The following TAS2R1 variants were observed in gnomAD, a reference collection of about 807,000 sequenced individuals.
TAS2R1 encodes taste 2 receptor member 1.
For synonymous variants in TAS2R1, 141 were observed against 134.2 expected (o/e 1.05, Z -0.35); for missense variants, 370 against 353.4 (o/e 1.05, Z -0.38).
intron 1 of TAS2R1, among the ~76,000 whole-genome samples, chr5:9,684,492 G>C (rs1279316654): frequency 1.3e-5 from 2 of 152,172 alleles, no homozygotes; most frequent in Non-Finnish European, 2.9e-5. Flanking sequence ...TGCACTGAAG[G>C]GTGGATACAC....
At chr5:9,879,911 T>C in the TAS2R1 span, among the ~76,000 whole-genome samples, 2 of 152,180 alleles carry the variant, frequency 1.3e-5, no homozygotes, top group Admixed American at 6.5e-5. Flanking sequence ...TTGTTTATAA[T>C]TGATAAGAGA....
chr5:9,830,556 G>A, the TAS2R1 span, among the ~76,000 whole-genome samples: 5 of 151,902 alleles, frequency 3.3e-5, no homozygotes, highest in African/African-American at 1.2e-4. Flanking sequence ...CATAAATAGA[G>A]AGATGATAGA....
At chr5:9,765,352 C>T in the TAS2R1 span, 3 of 152,012 alleles carry the variant, frequency 2.0e-5, no homozygotes, top group Admixed American at 2.0e-4. Flanking sequence ...AACATATGCC[C>T]CCTGGGTTGG....
At chr5:9,878,174 C>G in the TAS2R1 span, among the ~76,000 whole-genome samples, 2 of 152,160 alleles carry the variant, frequency 1.3e-5, no homozygotes, top group African/African-American at 4.8e-5. Context: ...TAATATAATA[C>G]TATTCAGCAG....
At chr5:9,737,289 T>C in the TAS2R1 span, among the ~76,000 whole-genome samples, 1 of 152,190 alleles carries the variant, frequency 6.6e-6, no homozygotes, top group African/African-American at 2.4e-5. Flanking sequence ...TAGGTCAACA[T>C]AGTTGCAGGA....
chr5:9,770,030 T>C, the TAS2R1 span, among the ~76,000 whole-genome samples: 16 of 152,330 alleles, frequency 1.1e-4, no homozygotes, highest in South Asian at 2.1e-3. Flanking sequence ...TGTTTTATTG[T>C]AGTAATTTCA....
chr5:9,782,452 T>TGGGTG, the TAS2R1 span, among the ~76,000 whole-genome samples: 505 of 9,514 alleles, frequency 0.053, 6 homozygotes, highest in African/African-American at 0.17. Context: ...GGCATCCTGA[T>TGGGTG]GGGTGGGGCG....
At chr5:9,655,014 A>T (rs1740381048) in intron 2 of TAS2R1, among the ~76,000 whole-genome samples, 1 of 152,240 alleles carries the variant, frequency 6.6e-6, no homozygotes, top group African/African-American at 2.4e-5. Context: ...GGTGAAACAA[A>T]AAAACACTGC....
the TAS2R1 span, among the ~76,000 whole-genome samples, chr5:9,829,525 G>A: frequency 0.29 from 43,367 of 152,068 alleles, 6,950 homozygotes; most frequent in Non-Finnish European, 0.37. Context: ...ATCTCCTCTT[G>A]ACCAAATTAA....
At chr5:9,860,735 G>C in the TAS2R1 span, among the ~76,000 whole-genome samples, 2 of 152,314 alleles carry the variant, frequency 1.3e-5, no homozygotes, top group South Asian at 4.1e-4. Context: ...CCTATGGGCA[G>C]TCCTTAAGGC....
rs1240921048 is a variant in TAS2R1 at position 9,627,416 on chromosome 5, T to A, written c.*1717A>T. Among the ~76,000 whole-genome samples the A allele has an allele frequency of 6.6e-6, 1 of 151,534 alleles. No homozygotes were observed. The highest frequency in any genetic ancestry group is 1.5e-5 in the Non-Finnish European group (1 of 68,032). ...TCTTGATAACAGTATAAAAACCTAG[T>A]CATATCTTAATAGTTATCTAATTAG... On this transcript the variant is annotated 3_prime_UTR_variant, in exon 1 of 1. Transcript: ENST00000382492.
rs747277999 is a variant in TAS2R1, at chr5:9,628,747, G to A, written c.*386C>T. Among the ~76,000 whole-genome samples the A allele has an allele frequency of 2.0e-5, 3 of 152,256 alleles. No individual in the cohort carries two copies. The highest frequency in any genetic ancestry group is 2.1e-4 in the South Asian group (1 of 4,826). On this transcript the variant is annotated 3_prime_UTR_variant, in exon 1 of 1. Transcript: ENST00000382492. ...CATTCATGTGTCCTTCTGACATCAC[G>A]AGTTCAAACAAGTGCTTTTCTTTTT...
At chr5:9,670,177 T>C (rs778948333) in intron 1 of TAS2R1, among the ~76,000 whole-genome samples, 15 of 152,086 alleles carry the variant, frequency 9.9e-5, no homozygotes, top group Non-Finnish European at 1.5e-4. Context: ...CCTGCAAACA[T>C]ATAACCTCCC....
chr5:9,857,899 TG>T, the TAS2R1 span, among the ~76,000 whole-genome samples: 1 of 152,190 alleles, frequency 6.6e-6, no homozygotes, highest in African/African-American at 2.4e-5. Flanking sequence ...TCCAGCAGGC[TG>T]GCCTGTTTCT....
upstream of TAS2R1, among the ~76,000 whole-genome samples, chr5:9,633,746 T>C (rs540474565): frequency 2.0e-5 from 3 of 152,266 alleles, no homozygotes; most frequent in African/African-American, 7.2e-5. Flanking sequence ...TTGTATATCT[T>C]GAGACTTGTC....
At chr5:9,703,315 C>T (rs1432633506) in intron 1 of TAS2R1, among the ~76,000 whole-genome samples, 1 of 152,146 alleles carries the variant, frequency 6.6e-6, no homozygotes, top group Non-Finnish European at 1.5e-5. Flanking sequence ...GTCAAACCAA[C>T]ATCCTCCAAA....
At chr5:9,740,159 CA>C in the TAS2R1 span, among the ~76,000 whole-genome samples, 2 of 152,178 alleles carry the variant, frequency 1.3e-5, no homozygotes, top group African/African-American at 4.8e-5. Context: ...AAAGTTTTCT[CA>C]GAGCCTTTTA....
chr5:9,813,876 A>T, the TAS2R1 span, among the ~76,000 whole-genome samples: 2 of 152,144 alleles, frequency 1.3e-5, no homozygotes. Flanking sequence ...CTTGGTTTTC[A>T]TTATTGACTT....
intron 1 of TAS2R1, among the ~76,000 whole-genome samples, chr5:9,665,316 T>C (rs1222550398): frequency 6.6e-6 from 1 of 152,234 alleles, no homozygotes; most frequent in Non-Finnish European, 1.5e-5. Flanking sequence ...CAATCCAGGA[T>C]AATCTCCTCA....
Sources: gnomAD v4.1 joint callset for allele counts (sites outside exome capture counted in the v4.1 genomes callset) on GRCh38, gnomAD v4.1.1 for gene constraint, MANE v1.5 for transcripts, NCBI Gene and HGNC (gene_info 2026-07-23, HGNC 2026-07-21) for gene names.